CACNA1C: variants seen among roughly 807,000 people sequenced by gnomAD.
CACNA1C encodes voltage-dependent L-type calcium channel subunit alpha-1C.
In CACNA1C, 30 loss-of-function variants were observed where a neutral mutation model predicts 229.0. The ratio of observed to expected loss-of-function variants is 0.13; its 90% confidence interval spans 0.10 to 0.18. The LOEUF (loss-of-function observed/expected upper bound fraction) is 0.18, where lower values mean the gene tolerates loss of function less well. Among genes scored for constraint, CACNA1C ranks in the 10% least tolerant of loss-of-function variants. The pLI is 1.00. For synonymous variants in CACNA1C, 1,114 were observed against 1,132.5 expected, an observed-to-expected ratio of 0.98 and a Z score of 0.33; for missense variants, 1,658 against 2,845.0, an observed-to-expected ratio of 0.58 and a Z score of 9.49.
intron 21 of CACNA1C, among the ~76,000 whole-genome samples, chr12:2,599,566 G>A (rs1312831843): frequency 1.3e-5 from 2 of 152,184 alleles, no homozygotes; most frequent in African/African-American, 2.4e-5. Context: ...GGGATGGCCC[G>A]TGGTTGAACA....
At chr12:2,508,873 C>T (rs2099777442) in intron 8 of CACNA1C, among the ~76,000 whole-genome samples, 1 of 152,166 alleles carries the variant, frequency 6.6e-6, no homozygotes, top group East Asian at 1.9e-4. Context: ...GACTGGTGCT[C>T]TTATGGATAA....
chr12:1,993,404 A>G, intron 1 of CACNA1C: 1 of 1,608,830 alleles, frequency 6.2e-7, no homozygotes, highest in East Asian at 2.2e-5. Context: ...AAAAATCACA[A>G]GGAGTCAGGG....
intron 29 of CACNA1C, among the ~76,000 whole-genome samples, chr12:2,618,329 A>T (rs571296695): frequency 2.7e-4 from 41 of 152,192 alleles, no homozygotes; most frequent in Non-Finnish European, 5.3e-4. Flanking sequence ...GTCAGTCTGG[A>T]TGGTAATCAG....
intron 11 of CACNA1C, among the ~76,000 whole-genome samples, chr12:2,561,241 G>A (rs553374880): frequency 2.8e-4 from 42 of 152,136 alleles, no homozygotes; most frequent in African/African-American, 1.0e-3. Flanking sequence ...CAAATGAAAC[G>A]TAACTGACAG....
chr12:2,032,978 A>G (rs916681432), intron 1 of CACNA1C, among the ~76,000 whole-genome samples: 1 of 152,138 alleles, frequency 6.6e-6, no homozygotes, highest in African/African-American at 2.4e-5. Context: ...CTTTGTGAAA[A>G]ATTAATGTTT....
At chr12:2,300,365 A>G (rs2094457975) in intron 3 of CACNA1C, among the ~76,000 whole-genome samples, 1 of 152,246 alleles carries the variant, frequency 6.6e-6, no homozygotes, top group South Asian at 2.1e-4. Context: ...CATGCCTGTA[A>G]TCCCAGCACT....
At chr12:2,650,615 G>C (rs1378080257) in intron 31 of CACNA1C, among the ~76,000 whole-genome samples, 19 of 152,178 alleles carry the variant, frequency 1.2e-4, no homozygotes, top group Admixed American at 1.2e-3. Flanking sequence ...GCCAAGTGGG[G>C]AGTCAGCTCA....
chr12:1,993,937 G>C (rs1285998958), intron 1 of CACNA1C, among the ~76,000 whole-genome samples: 2 of 152,136 alleles, frequency 1.3e-5, no homozygotes, highest in Non-Finnish European at 2.9e-5. Flanking sequence ...GACACAGCCT[G>C]AACTAGAAGT....
At chr12:2,191,381 G>A (rs1434710631) in intron 3 of CACNA1C, among the ~76,000 whole-genome samples, 2 of 152,092 alleles carry the variant, frequency 1.3e-5, no homozygotes, top group African/African-American at 2.4e-5. Flanking sequence ...CCAGCGTACC[G>A]GCATCACCTG....
rs73603737 is a variant in CACNA1C at position 2,094,108 on chromosome 12, A to G, written c.50-21116A>G. 4.6e-3 allele frequency among the ~76,000 whole-genome samples: 698 copies of G among 152,314 alleles called. 13 individuals are homozygous for G. The highest frequency in any genetic ancestry group is 0.017 in the African/African-American group (688 of 41,550). On this transcript the variant is annotated intron_variant, in intron 1 of 46. Transcript: ENST00000399655. ...GTAGCTGTTATTAGCCCCATTTCAC[A>G]GGTGGGAAAGGCAAAGGCAGGAAGG...
At chr12:2,599,522 G>T (rs1038368713) in intron 21 of CACNA1C, among the ~76,000 whole-genome samples, 59 of 152,224 alleles carry the variant, frequency 3.9e-4, no homozygotes, top group African/African-American at 1.4e-3. Context: ...AAAAAAGACA[G>T]GTTTCATAGC....
intron 43 of CACNA1C, among the ~76,000 whole-genome samples, chr12:2,684,969 T>C (rs556866220): frequency 9.9e-4 from 151 of 152,186 alleles, no homozygotes; most frequent in African/African-American, 3.5e-3. Flanking sequence ...GGGAATGAGG[T>C]TGGAATGCAG....
intron 3 of CACNA1C, among the ~76,000 whole-genome samples, chr12:2,347,241 A>C (rs955071543): frequency 2.0e-5 from 3 of 152,144 alleles, no homozygotes; most frequent in African/African-American, 7.2e-5. Flanking sequence ...CGAACACTGC[A>C]CTTTCCCCAC....
At chr12:2,313,737 C>T (rs2095549210) in intron 3 of CACNA1C, among the ~76,000 whole-genome samples, 1 of 152,078 alleles carries the variant, frequency 6.6e-6, no homozygotes, top group Admixed American at 6.5e-5. Context: ...CTAAGAGGGC[C>T]CGGGAGGGTC....
At chr12:2,120,680 G>GTA (rs2086227884) in intron 3 of CACNA1C, among the ~76,000 whole-genome samples, 1 of 151,166 alleles carries the variant, frequency 6.6e-6, no homozygotes. Flanking sequence ...GTGTGTGTGT[G>GTA]TGTGTGTGTG....
At chr12:2,236,025 C>G (rs2154368198) in intron 3 of CACNA1C, among the ~76,000 whole-genome samples, 1 of 152,326 alleles carries the variant, frequency 6.6e-6, no homozygotes, top group East Asian at 1.9e-4. Context: ...TGCTTATGGA[C>G]ATTTGCTTCT....
intron 3 of CACNA1C, among the ~76,000 whole-genome samples, chr12:2,175,410 C>T (rs1189633821): frequency 6.6e-6 from 1 of 152,166 alleles, no homozygotes; most frequent in African/African-American, 2.4e-5. Flanking sequence ...TGGTTGGCTG[C>T]TTCCTTATTG....
intron 3 of CACNA1C, among the ~76,000 whole-genome samples, chr12:2,420,425 A>G (rs1344055915): frequency 6.6e-6 from 1 of 152,144 alleles, no homozygotes; most frequent in Non-Finnish European, 1.5e-5. Context: ...ATCCTGATAA[A>G]GGAAAGGCTT....
At chr12:2,232,234 T>G (rs1057318510) in intron 3 of CACNA1C, among the ~76,000 whole-genome samples, 10 of 132,306 alleles carry the variant, frequency 7.6e-5, no homozygotes, top group Non-Finnish European at 1.2e-4. Context: ...CTTGTTTTTT[T>G]TTTTTTTTTT....
Sources: gnomAD v4.1 joint callset for allele counts (sites outside exome capture counted in the v4.1 genomes callset) on GRCh38, gnomAD v4.1.1 for gene constraint, MANE v1.5 for transcripts, NCBI Gene and HGNC (gene_info 2026-07-23, HGNC 2026-07-21) for gene names.